The following ANKFN1 variants were observed in gnomAD, a reference collection of about 807,000 sequenced individuals.
ANKFN1 encodes the protein ankyrin repeat and fibronectin type-III domain-containing protein 1.
Under a neutral mutation model 108.7 loss-of-function variants are expected in ANKFN1, and 74 were observed. The observed-to-expected ratio is 0.68, with a 90% CI of 0.56 to 0.83. The LOEUF (loss-of-function observed/expected upper bound fraction) is 0.83. ANKFN1 is among the 40% of genes least tolerant of loss of function. The probability of loss-of-function intolerance (pLI) is 0.00; values close to 1 mark genes in which losing one functional copy is unlikely to be tolerated. For synonymous variants in ANKFN1, 547 were observed against 516.2 expected (o/e 1.06, Z -0.81); for missense variants, 1,505 against 1,382.3 (o/e 1.09, Z -1.41).
In ANKFN1 at chr17:56,153,647, A is replaced by G. The variant is rs938106820; in HGVS notation, c.-71+117A>G. On this transcript the variant is annotated intron_variant, in intron 1 of 20. Transcript: ENST00000682825. ...GAGTGAATTCGGGCGTTAGCTGGTG[A>G]GCATCCATGGTCAGGCAGAGGGAAA... is the stretch of plus-strand genomic sequence containing the variant. 3.7e-6 allele frequency: 5 copies of G among 1,365,268 alleles called. No individual in the cohort carries two copies. In the African/African-American group the frequency reaches 7.2e-5, roughly 20 times the overall value. 84.6% of individuals were successfully genotyped at this position (1,365,268 alleles called of 1,614,324 possible).
At chr17:56,158,225 C>T (rs1359586136) in intron 1 of ANKFN1, among the ~76,000 whole-genome samples, 1 of 152,316 alleles carries the variant, frequency 6.6e-6, no homozygotes, top group East Asian at 1.9e-4. Context: ...CCCTCACATA[C>T]ACCCCAGTGG....
chr17:56,220,813 A>G (rs1288061833), intron 2 of ANKFN1, among the ~76,000 whole-genome samples: 2 of 62,934 alleles, frequency 3.2e-5, no homozygotes, highest in South Asian at 7.5e-4. Context: ...GGAGGGAGGA[A>G]GGAAGGAAGG....
chr17:56,311,591 G>C (rs1180328307), intron 3 of ANKFN1, among the ~76,000 whole-genome samples: 2 of 152,216 alleles, frequency 1.3e-5, no homozygotes, highest in Non-Finnish European at 2.9e-5. Flanking sequence ...TAAATTCAGA[G>C]ACAGGAATGG....
chr17:56,203,626 ATGAGC>A (rs1486885429), intron 1 of ANKFN1, among the ~76,000 whole-genome samples: 9 of 152,224 alleles, frequency 5.9e-5, no homozygotes, highest in Non-Finnish European at 1.2e-4. Context: ...CAGCAAATGA[ATGAGC>A]TGTCAAGGAA....
At chr17:56,118,097 C>T (rs182165980) in intron 4 of ANKFN1, among the ~76,000 whole-genome samples, 7 of 152,122 alleles carry the variant, frequency 4.6e-5, no homozygotes, top group East Asian at 3.9e-4. Context: ...TACTCCAGTA[C>T]GTGGATATAC....
chr17:56,139,639 G>A (rs575441132), intron 4 of ANKFN1, among the ~76,000 whole-genome samples: 13 of 152,212 alleles, frequency 8.5e-5, no homozygotes, highest in African/African-American at 2.4e-4. Flanking sequence ...AAATGTTAAC[G>A]GAACAGTCAA....
At chr17:56,256,770 A>G (rs983112325) in intron 3 of ANKFN1, among the ~76,000 whole-genome samples, 7 of 152,218 alleles carry the variant, frequency 4.6e-5, no homozygotes, top group Non-Finnish European at 8.8e-5. Context: ...GTTCACATAT[A>G]TAATTACCAG....
intron 9 of ANKFN1, among the ~76,000 whole-genome samples, chr17:56,441,886 G>C (rs948171358): frequency 6.6e-6 from 1 of 151,582 alleles, no homozygotes; most frequent in African/African-American, 2.4e-5. Flanking sequence ...CCCTAGAAAA[G>C]TCTCTACAAA....
In ANKFN1 at chr17:56,372,768, G is replaced by C; in HGVS notation, c.724G>C (p.Glu242Gln). 1 of 1,614,022 alleles carries C rather than the reference G, an allele frequency of 6.2e-7. No homozygotes were observed. The highest frequency in any genetic ancestry group is 8.5e-7 in the Non-Finnish European group (1 of 1,179,962). Reference sequence around the variant, plus strand: ...ATTCACTCTGGACAACACAGAGAAAGAGAAGCAGCTGAAAGCTTGGGAGTG... The same window carrying C: ...ATTCACTCTGGACAACACAGAGAAACAGAAGCAGCTGAAAGCTTGGGAGTG... ...EGFTLDNTEK[E>Q]KQLKAWEWRY... Residue 242 changes from glutamate (E) to glutamine (Q), a missense_variant, in exon 7 of 21, where the codon GAG (glutamate) becomes CAG (glutamine). By Grantham distance (29) the Glu-to-Gln change is conservative. Transcript: ENST00000682825.
intron 8 of ANKFN1, among the ~76,000 whole-genome samples, chr17:56,404,619 C>A (rs2047862786): frequency 6.6e-6 from 1 of 152,162 alleles, no homozygotes; most frequent in East Asian, 1.9e-4. Context: ...TGGTGACTCT[C>A]CGATTAGCTT....
intron 3 of ANKFN1, among the ~76,000 whole-genome samples, chr17:56,264,089 C>T (rs1006613447): frequency 1.3e-5 from 2 of 152,144 alleles, no homozygotes; most frequent in African/African-American, 4.8e-5. Context: ...GACCCAAGTT[C>T]CTATAGGAGC....
At chr17:56,092,184 C>T (rs2143195764) in intron 4 of ANKFN1, among the ~76,000 whole-genome samples, 1 of 151,204 alleles carries the variant, frequency 6.6e-6, no homozygotes, top group Middle Eastern at 3.5e-3. Context: ...ACCCATCTGC[C>T]TAGAGGAACC....
chr17:56,261,617 C>T (rs907946217), intron 3 of ANKFN1, among the ~76,000 whole-genome samples: 3 of 151,928 alleles, frequency 2.0e-5, no homozygotes, highest in African/African-American at 4.8e-5. Context: ...CTAAGAGTCC[C>T]AAAGCTGAAG....
In ANKFN1 at chr17:56,467,798, GAA is replaced by G. The variant is rs377184903; in HGVS notation, c.1773+1229_1773+1230del. 5.1e-3 allele frequency among the ~76,000 whole-genome samples: 159 copies of G among 30,900 alleles called. 3 individuals carry two copies. The highest frequency in any genetic ancestry group is 0.011 in the African/African-American group (149 of 13,146). The allele number at this position is 30,900 out of a possible 152,430, so 20.3% of individuals were successfully genotyped here. A position where few individuals can be genotyped will look rare whatever the true frequency, so the allele number is the denominator to read the frequency against. On this transcript the variant is annotated intron_variant, in intron 15 of 20. Coordinates refer to ENST00000682825, the MANE Select transcript of ANKFN1 (RefSeq NM_001370326.1). ...AAGAAAGAAAGAAAGAAAGAAGAAA[GAA>G]AGAAAGAAAGAAAGAAAGAAAGAAA...
intron 19 of ANKFN1, among the ~76,000 whole-genome samples, chr17:56,497,255 CA>C (rs1233414767): frequency 6.6e-6 from 1 of 152,130 alleles, no homozygotes; most frequent in Non-Finnish European, 1.5e-5. Flanking sequence ...TTTCTCCCTT[CA>C]AAATGGCTTA....
chr17:56,239,011 G>A (rs1917379119), intron 3 of ANKFN1, among the ~76,000 whole-genome samples: 1 of 152,056 alleles, frequency 6.6e-6, no homozygotes, highest in Non-Finnish European at 1.5e-5. Flanking sequence ...AATCTCCTAA[G>A]TCTTCAGCAG....
intron 8 of ANKFN1, among the ~76,000 whole-genome samples, chr17:56,400,250 G>GT (rs2047719835): frequency 1.3e-5 from 2 of 151,888 alleles, no homozygotes; most frequent in Non-Finnish European, 2.9e-5. Context: ...AACATCTACT[G>GT]TTTTTTGATT....
At chr17:56,209,668 A>T (rs1914817290) in intron 1 of ANKFN1, among the ~76,000 whole-genome samples, 1 of 152,026 alleles carries the variant, frequency 6.6e-6, no homozygotes. Flanking sequence ...TAGGAGAGTG[A>T]CTTTTTTTAT....
At chr17:56,337,572 A>G (rs1377961530) in intron 4 of ANKFN1, among the ~76,000 whole-genome samples, 2 of 151,888 alleles carry the variant, frequency 1.3e-5, no homozygotes, top group African/African-American at 4.8e-5. Context: ...CTCATCTGAC[A>G]AAGGGCTAAT....
Sources: allele counts gnomAD v4.1 joint callset (sites outside exome capture counted in the v4.1 genomes callset), GRCh38; gene constraint gnomAD v4.1.1; transcripts MANE v1.5; gene names NCBI Gene and HGNC (gene_info 2026-07-23, HGNC 2026-07-21).